B4GALNT3: variants seen among roughly 807,000 people sequenced by gnomAD.
B4GALNT3 encodes the protein beta-1,4-N-acetylgalactosaminyltransferase 3.
Under a neutral mutation model 120.2 loss-of-function variants are expected in B4GALNT3, and 86 were observed. The ratio of observed to expected loss-of-function variants is 0.72; its 90% CI spans 0.60 to 0.86. B4GALNT3 has a LOEUF of 0.86. Among genes scored for constraint, B4GALNT3 ranks in the 40% least tolerant of loss-of-function variants. The probability of loss-of-function intolerance (pLI) is 0.00; values close to 1 mark genes in which losing one functional copy is unlikely to be tolerated. For missense variants in B4GALNT3, 1,167 were observed against 1,298.9 expected (o/e 0.90, Z 1.56); for synonymous variants, 518 against 510.4 (o/e 1.01, Z -0.20).
chr12:460,489 C>A lies in B4GALNT3; in HGVS notation c.113C>A (p.Thr38Asn), dbSNP rs1267280791. 6.3e-7 allele frequency: 1 copy of A among 1,586,038 alleles called. No individual in the cohort carries two copies. Reference sequence around the variant, plus strand: ...GCCGTGGTGTCTGTGGGGCTCTGGACTCTGTATCTGGAACTGGTGGCGTCG... The same window carrying A: ...GCCGTGGTGTCTGTGGGGCTCTGGAATCTGTATCTGGAACTGGTGGCGTCG... ...ALAVVSVGLW[T>N]LYLELVASAQ... The change falls in exon 1 of 20, where the codon ACT becomes AAT. Residue 38 changes from threonine (T) to asparagine (N), a missense_variant. This residue lies in a region of B4GALNT3 where 171 missense variants were observed against 161.3 expected (regional missense o/e 1.06). Transcript: ENST00000266383. The surrounding 1 kb of genome is among the most constrained non-coding windows in gnomAD (Gnocchi z 8.0).
chr12:525,812 A>G (rs1289823717), intron 1 of B4GALNT3, among the ~76,000 whole-genome samples: 1 of 152,186 alleles, frequency 6.6e-6, no homozygotes, highest in Non-Finnish European at 1.5e-5. Context: ...AGTTCTGGAG[A>G]TGTTTCTGCT....
At chr12:463,445 A>G (rs1463411180) in intron 1 of B4GALNT3, among the ~76,000 whole-genome samples, 1 of 152,210 alleles carries the variant, frequency 6.6e-6, no homozygotes, top group Non-Finnish European at 1.5e-5. Context: ...AGGACTGTTC[A>G]CGCATTCATT....
chr12:543,560 A>G (rs56290854), intron 3 of B4GALNT3, among the ~76,000 whole-genome samples: 521 of 21,048 alleles, frequency 0.025, no homozygotes, highest in Middle Eastern at 0.062. Flanking sequence ...TCCTCCTGGA[A>G]CTGAGGAGCT....
rs752327342 is a variant in B4GALNT3, at chr12:554,031, C to T, written c.2060+48C>T. On this transcript the variant is annotated intron_variant, in intron 14 of 19. Transcript: ENST00000266383. ...GGCCAGGGACTGGGGCACGTGGCAG[C>T]CAGCTGGCCTGGAAGGCAGGGGCCT... 9.5e-6 allele frequency: 13 copies of T among 1,374,952 alleles called. No individual in the cohort carries two copies. In the African/African-American group the frequency reaches 1.7e-4, roughly 18 times the overall value. 85.2% of individuals were successfully genotyped at this position (1,374,952 alleles called of 1,614,324 possible). A position where few individuals can be genotyped will look rare whatever the true frequency, so the allele number is the denominator to read the frequency against.
At chr12:519,251 G>A (rs750544626) in intron 1 of B4GALNT3, among the ~76,000 whole-genome samples, 7 of 152,150 alleles carry the variant, frequency 4.6e-5, no homozygotes, top group Non-Finnish European at 1.0e-4. Flanking sequence ...CCTAAGACCT[G>A]GGAAGGCTAA....
chr12:497,652 C>T (rs1946400945), intron 1 of B4GALNT3, among the ~76,000 whole-genome samples: 3 of 152,104 alleles, frequency 2.0e-5, no homozygotes, highest in Admixed American at 2.0e-4. Flanking sequence ...TCCTGGGTCC[C>T]GTGGTAACTC....
In B4GALNT3 at chr12:559,416, G is replaced by A. The variant is rs1947198526; in HGVS notation, c.2883G>A (p.Leu961=). ...GGGGCGGGGAAGACTGGGAGCTGCT[G>A]GACAGGTGACTGGGAAGAGGAGGGC... The part of the protein sequence containing the change: ...DRWGGEDWEL[L]DRILQAGLDV... Residue 961 remains leucine (L), a synonymous_variant, in exon 19 of 20, where the codon CTG becomes CTA. Coordinates refer to ENST00000266383, the MANE Select transcript of B4GALNT3 (RefSeq NM_173593.4). 1 of 1,613,826 alleles carries A rather than the reference G, an allele frequency of 6.2e-7. No homozygotes were observed. Among genetic ancestry groups the A allele is most frequent in the Non-Finnish European group, 8.5e-7 (1 of 1,179,806 alleles).
At chr12:482,240 G>A (rs955464943) in intron 1 of B4GALNT3, among the ~76,000 whole-genome samples, 4 of 152,192 alleles carry the variant, frequency 2.6e-5, no homozygotes, top group Admixed American at 1.3e-4. Flanking sequence ...ACCATTTGGA[G>A]CCTACTAGCA....
chr12:533,464 C>T (rs74056258), intron 1 of B4GALNT3, among the ~76,000 whole-genome samples: 6,219 of 152,298 alleles, frequency 0.041, 258 homozygotes, highest in African/African-American at 0.11. Context: ...AACCATAACA[C>T]GAGTGGAGGG....
intron 1 of B4GALNT3, among the ~76,000 whole-genome samples, chr12:491,496 A>G (rs947946038): frequency 1.3e-5 from 2 of 151,718 alleles, no homozygotes; most frequent in African/African-American, 4.8e-5. Flanking sequence ...TGCCCAGCTA[A>G]TTTTTGTATT....
intron 1 of B4GALNT3, among the ~76,000 whole-genome samples, chr12:502,486 G>A (rs1160343846): frequency 6.6e-6 from 1 of 152,186 alleles, no homozygotes; most frequent in East Asian, 1.9e-4. Context: ...GGCAAGAGGT[G>A]TAGGGACACA....
intron 1 of B4GALNT3, among the ~76,000 whole-genome samples, chr12:501,960 G>A (rs1168913368): frequency 1.3e-5 from 2 of 152,146 alleles, no homozygotes; most frequent in Non-Finnish European, 2.9e-5. Context: ...TCCATGAGTG[G>A]GCCTGGGCCA....
intron 1 of B4GALNT3, among the ~76,000 whole-genome samples, chr12:479,138 G>A (rs770653654): frequency 2.0e-5 from 3 of 152,212 alleles, no homozygotes; most frequent in African/African-American, 4.8e-5. Flanking sequence ...GCAGGCCACA[G>A]GAGACAGCCT....
intron 14 of B4GALNT3, chr12:555,258 T>C (rs1394895473): frequency 2.3e-6 from 1 of 442,818 alleles, no homozygotes; most frequent in East Asian, 7.2e-5. Context: ...CTACCCCCAG[T>C]AGTGTCTGGC....
chr12:510,149 A>G (rs2120568435), intron 1 of B4GALNT3, among the ~76,000 whole-genome samples: 1 of 152,292 alleles, frequency 6.6e-6, no homozygotes, highest in East Asian at 1.9e-4. Flanking sequence ...AGTTAGCTGC[A>G]TGACACTCCA....
chr12:538,151 C>T (rs777342473), intron 3 of B4GALNT3, among the ~76,000 whole-genome samples: 2 of 152,150 alleles, frequency 1.3e-5, no homozygotes, highest in African/African-American at 4.8e-5. Context: ...AAGCTTATAG[C>T]GCCATAACAT....
Position 460,489 on chromosome 12 carries a change from C to T in B4GALNT3, c.113C>T (p.Thr38Ile), listed in dbSNP as rs1267280791. 6.3e-7 allele frequency: 1 copy of T among 1,586,038 alleles called. No individual in the cohort carries two copies. Among genetic ancestry groups the T allele is most frequent in the Non-Finnish European group, 8.6e-7 (1 of 1,167,100 alleles). Residue 38 changes from threonine to isoleucine, a missense_variant, in exon 1 of 20, where the codon ACT (threonine) becomes ATT (isoleucine). Coordinates refer to ENST00000266383, the MANE Select transcript of B4GALNT3 (RefSeq NM_173593.4). The surrounding 1 kb of genome is among the most constrained non-coding windows in gnomAD (Gnocchi z 8.0). Reference protein sequence around the residue: ...ALAVVSVGLWTLYLELVASAQ... With the variant: ...ALAVVSVGLWILYLELVASAQ... ...GCCGTGGTGTCTGTGGGGCTCTGGA[C>T]TCTGTATCTGGAACTGGTGGCGTCG...
In B4GALNT3 at chr12:549,835, C is replaced by T. The variant is rs374783922; in HGVS notation, c.920C>T (p.Ser307Phe). The change falls in exon 10 of 20, where the codon TCC becomes TTC. Residue 307 changes from serine to phenylalanine, a missense_variant. Physicochemically the swap from Ser to Phe is radical, Grantham distance 155. This residue lies in a region of B4GALNT3 where 983 missense variants were observed against 1,102.5 expected (regional missense o/e 0.89). Transcript: ENST00000266383. ...CAGACAGCAGCCAGCCACGTGGACT[C>T]CTCCAACGCTCTTCCCAGGGATGAG... ...IPQTAASHVD[S>F]SNALPRDEQP... The T allele has an allele frequency of 1.2e-6, 2 of 1,613,772 alleles. No homozygotes were observed. The highest frequency in any genetic ancestry group is 1.7e-6 in the Non-Finnish European group (2 of 1,180,020).
At chr12:535,919 A>C (rs904642923) in intron 2 of B4GALNT3, among the ~76,000 whole-genome samples, 2 of 152,126 alleles carry the variant, frequency 1.3e-5, no homozygotes, top group Admixed American at 6.5e-5. Context: ...ACCCAAATCT[A>C]TACAGCTGGG....
Sources: allele counts gnomAD v4.1 joint callset (sites outside exome capture counted in the v4.1 genomes callset), GRCh38; gene constraint gnomAD v4.1.1; regional missense constraint gnomAD v4.1.1; non-coding constraint Gnocchi (gnomAD v3.1); transcripts MANE v1.5; gene names NCBI Gene and HGNC (gene_info 2026-07-23, HGNC 2026-07-21).